The following DIAPH3 variants were observed in gnomAD, a reference collection of about 807,000 sequenced individuals.
The protein encoded by DIAPH3 is diaphanous related formin 3, also known as protein diaphanous homolog 3.
DIAPH3 carries 117 observed loss-of-function variants against 144.3 expected under a neutral mutation model. The ratio of observed to expected loss-of-function variants is 0.81; its 90% CI spans 0.70 to 0.95. The LOEUF (loss-of-function observed/expected upper bound fraction) is 0.95. Among genes scored for constraint, DIAPH3 ranks in the 40% least tolerant of loss-of-function variants. DIAPH3 has a pLI of 0.00. For synonymous variants in DIAPH3, 519 were observed against 488.9 expected (o/e 1.06, Z -0.81); for missense variants, 1,421 against 1,412.7 (o/e 1.01, Z -0.09).
intron 1 of DIAPH3, among the ~76,000 whole-genome samples, chr13:60,141,274 A>G (rs933419659): frequency 1.8e-4 from 27 of 152,196 alleles, no homozygotes; most frequent in African/African-American, 6.3e-4. Flanking sequence ...TATAAGAAAT[A>G]AAAGATAAAG....
intron 9 of DIAPH3, among the ~76,000 whole-genome samples, chr13:60,006,472 G>A (rs2052884530): frequency 1.3e-5 from 2 of 152,092 alleles, no homozygotes; most frequent in Non-Finnish European, 2.9e-5. Context: ...TAAAGTAATG[G>A]TTCAACTTTC....
chr13:59,888,607 G>A (rs550265648), intron 20 of DIAPH3, among the ~76,000 whole-genome samples: 16 of 151,952 alleles, frequency 1.1e-4, no homozygotes, highest in Middle Eastern at 3.4e-3. Flanking sequence ...ACCCTGTTAC[G>A]CAATGTTTTT....
At chr13:59,736,994 A>T (rs1467710321) in intron 27 of DIAPH3, among the ~76,000 whole-genome samples, 1 of 152,198 alleles carries the variant, frequency 6.6e-6, no homozygotes, top group East Asian at 1.9e-4. Context: ...TATATATAAA[A>T]ATTAACACGA....
intron 1 of DIAPH3, among the ~76,000 whole-genome samples, chr13:60,147,980 G>A (rs1951612094): frequency 6.6e-6 from 1 of 152,030 alleles, no homozygotes; most frequent in Non-Finnish European, 1.5e-5. Flanking sequence ...CAGAGAGATG[G>A]AAGGTAAGAT....
chr13:59,823,812 C>A (rs1345998310), intron 24 of DIAPH3, among the ~76,000 whole-genome samples: 1 of 152,050 alleles, frequency 6.6e-6, no homozygotes, highest in Non-Finnish European at 1.5e-5. Flanking sequence ...GGCTGTCCTC[C>A]CTATCAAAAA....
intron 17 of DIAPH3, among the ~76,000 whole-genome samples, chr13:59,950,775 G>A (rs899758169): frequency 6.6e-6 from 1 of 151,836 alleles, no homozygotes; most frequent in Non-Finnish European, 1.5e-5. Context: ...AATACTATAC[G>A]ATCAGTCAAG....
At chr13:60,023,901 G>A (rs1345610990) in intron 5 of DIAPH3, among the ~76,000 whole-genome samples, 4 of 130,210 alleles carry the variant, frequency 3.1e-5, no homozygotes, top group South Asian at 2.6e-4. Flanking sequence ...TGTCGCCCAG[G>A]CTGGAGTGCA....
At chr13:60,083,332 A>G (rs868698665) in intron 4 of DIAPH3, among the ~76,000 whole-genome samples, 1 of 152,156 alleles carries the variant, frequency 6.6e-6, no homozygotes, top group African/African-American at 2.4e-5. Context: ...TAAATTTCCT[A>G]TATCACTGGC....
chr13:60,145,333 T>C (rs534780713), intron 1 of DIAPH3, among the ~76,000 whole-genome samples: 2 of 152,322 alleles, frequency 1.3e-5, no homozygotes, highest in Middle Eastern at 3.4e-3. Flanking sequence ...GATTACTAAA[T>C]GATAACAACA....
At chr13:60,025,826 T>A (rs1361928123) in intron 5 of DIAPH3, among the ~76,000 whole-genome samples, 1 of 150,874 alleles carries the variant, frequency 6.6e-6, no homozygotes, top group Non-Finnish European at 1.5e-5. Flanking sequence ...GAGGACAATT[T>A]AAAAAAAAAC....
chr13:59,832,608 A>T (rs1329229728), intron 24 of DIAPH3, among the ~76,000 whole-genome samples: 1 of 151,826 alleles, frequency 6.6e-6, no homozygotes, highest in Non-Finnish European at 1.5e-5. Flanking sequence ...AAATGAAAGG[A>T]TTCCACATCA....
At chr13:60,033,770 A>G (rs2054982317) in intron 5 of DIAPH3, among the ~76,000 whole-genome samples, 1 of 152,230 alleles carries the variant, frequency 6.6e-6, no homozygotes, top group Non-Finnish European at 1.5e-5. Context: ...TATTTATGAA[A>G]TTTAATATAC....
At chr13:59,879,175 A>C in intron 21 of DIAPH3, 54 bp downstream of exon 21, 2 of 1,611,550 alleles carry the variant, frequency 1.2e-6, no homozygotes, top group Non-Finnish European at 1.7e-6. Context: ...ATCAGGGCTG[A>C]CATTTAAGAG....
At chr13:59,832,045 C>CTT (rs2041806704) in intron 24 of DIAPH3, among the ~76,000 whole-genome samples, 1 of 151,770 alleles carries the variant, frequency 6.6e-6, no homozygotes, top group Non-Finnish European at 1.5e-5. Context: ...AAAGTCTTTA[C>CTT]TATTTCCACT....
chr13:59,977,348 A>T (rs915448448), intron 14 of DIAPH3, among the ~76,000 whole-genome samples: 1 of 151,870 alleles, frequency 6.6e-6, no homozygotes, highest in Non-Finnish European at 1.5e-5. Flanking sequence ...AATACTTTGT[A>T]AGGGGCACAA....
chr13:59,983,135 T>C (rs2051127708), intron 13 of DIAPH3, among the ~76,000 whole-genome samples: 1 of 84,586 alleles, frequency 1.2e-5, no homozygotes, highest in Non-Finnish European at 2.4e-5. Context: ...TAATGCTTTA[T>C]CTTTAAAAAA....
At chr13:59,725,185 A>C (rs984838920) in intron 27 of DIAPH3, among the ~76,000 whole-genome samples, 2 of 152,216 alleles carry the variant, frequency 1.3e-5, no homozygotes, top group Non-Finnish European at 2.9e-5. Context: ...CTAGAAAATG[A>C]CTATATTTTC....
chr13:59,980,944 T>C (rs779312418), intron 13 of DIAPH3, 85 bp from the exon 14 acceptor site: 13 of 1,139,820 alleles, frequency 1.1e-5, no homozygotes, highest in African/African-American at 3.1e-5. Context: ...AAAAAGATCA[T>C]AGAAAATAAT....
intron 4 of DIAPH3, among the ~76,000 whole-genome samples, chr13:60,074,464 C>A (rs573804907): frequency 1.1e-4 from 16 of 152,288 alleles, no homozygotes; most frequent in Admixed American, 8.5e-4. Flanking sequence ...ATTCCTCTAG[C>A]TCTTTATACC....
Sources: allele counts gnomAD v4.1 joint callset (sites outside exome capture counted in the v4.1 genomes callset), GRCh38; gene constraint gnomAD v4.1.1; transcripts MANE v1.5; gene names NCBI Gene and HGNC (gene_info 2026-07-23, HGNC 2026-07-21).